The following GRIK4 variants were observed in gnomAD, a reference collection of about 807,000 sequenced individuals.
The protein encoded by GRIK4 is glutamate ionotropic receptor kainate type subunit 4, also known as glutamate receptor ionotropic, kainate 4.
A neutral mutation model predicts 104.9 loss-of-function variants in GRIK4; 40 were observed. The observed-to-expected ratio is 0.38, with a 90% CI of 0.30 to 0.50. GRIK4 has a LOEUF of 0.50. Ranked by LOEUF, GRIK4 falls within the 20% of genes least tolerant of loss-of-function variation. GRIK4 has a pLI of 0.93. For synonymous variants in GRIK4, 485 were observed against 524.9 expected, an observed-to-expected ratio of 0.92 and a Z score of 1.04; for missense variants, 1,047 against 1,308.1, an observed-to-expected ratio of 0.80 and a Z score of 3.08.
intron 3 of GRIK4, among the ~76,000 whole-genome samples, chr11:120,681,484 C>T (rs12224987): frequency 0.13 from 19,495 of 152,204 alleles, 1,366 homozygotes; most frequent in South Asian, 0.23. Context: ...TGTTTTCCCT[C>T]CCTCTCTTCA....
At chr11:120,870,868 T>A (rs1954590672) in intron 9 of GRIK4, 1 of 152,224 alleles carries the variant, frequency 6.6e-6, no homozygotes, top group African/African-American at 2.4e-5. Flanking sequence ...TGCCTCAGCC[T>A]CCCGAGTAGC....
chr11:120,612,247 A>G (rs1374590838), intron 1 of GRIK4, among the ~76,000 whole-genome samples: 1 of 152,118 alleles, frequency 6.6e-6, no homozygotes, highest in African/African-American at 2.4e-5. Flanking sequence ...AGACTTTACC[A>G]TTGGTAGAGT....
At chr11:120,916,605 T>A (rs1003097849) in intron 13 of GRIK4, among the ~76,000 whole-genome samples, 5 of 152,232 alleles carry the variant, frequency 3.3e-5, no homozygotes, top group African/African-American at 1.2e-4. Flanking sequence ...TGAAACTTGT[T>A]GAGCTTCGAT....
At chr11:120,654,699 G>T (rs559035519) in intron 2 of GRIK4, among the ~76,000 whole-genome samples, 8 of 152,168 alleles carry the variant, frequency 5.3e-5, no homozygotes, top group Non-Finnish European at 8.8e-5. Context: ...GAGCAGCAGT[G>T]CATAGCATCT....
chr11:120,642,067 G>A (rs1419153858), intron 1 of GRIK4, among the ~76,000 whole-genome samples: 2 of 152,186 alleles, frequency 1.3e-5, no homozygotes, highest in African/African-American at 4.8e-5. Context: ...TTTGTATTGG[G>A]ATTTGATGGC....
intron 1 of GRIK4, among the ~76,000 whole-genome samples, chr11:120,623,549 C>G (rs1470625248): frequency 1.3e-5 from 2 of 152,200 alleles, no homozygotes; most frequent in African/African-American, 2.4e-5. Flanking sequence ...CCAAGTCACC[C>G]TGATTTCTTT....
rs763773930 is a variant in GRIK4, at chr11:120,522,357, G to A, written c.-159+10470G>A. ...TCTTTTTTGAGATGGAGTCTCGCTC[G>A]GTTGCCCAGGCTGGAGTGCCGTGGC... On this transcript the variant is annotated intron_variant, in intron 1 of 20. Coordinates refer to ENST00000527524, the MANE Select transcript of GRIK4 (RefSeq NM_014619.5). Among the ~76,000 whole-genome samples, 62 of 151,814 alleles carry A rather than the reference G, an allele frequency of 4.1e-4. 1 individual carries two copies. Among genetic ancestry groups the A allele is most frequent in the Admixed American group, 9.2e-4 (14 of 15,234 alleles).
intron 3 of GRIK4, among the ~76,000 whole-genome samples, chr11:120,740,112 C>G (rs1282758987): frequency 6.6e-6 from 1 of 152,206 alleles, no homozygotes; most frequent in East Asian, 1.9e-4. Flanking sequence ...CAGATTTAAT[C>G]AGATGTTTGG....
At chr11:120,974,683 T>C (rs1442412351) in intron 19 of GRIK4, among the ~76,000 whole-genome samples, 2 of 152,202 alleles carry the variant, frequency 1.3e-5, no homozygotes, top group East Asian at 3.9e-4. Flanking sequence ...AGGTCTTGCT[T>C]GCCTCTGGTA....
At chr11:120,873,825 G>A in intron 9 of GRIK4, 1 of 440,670 alleles carries the variant, frequency 2.3e-6, no homozygotes, top group East Asian at 3.6e-5. Flanking sequence ...GCCAGCACAA[G>A]GCTTCAATCC....
At chr11:120,703,574 G>A (rs1244166926) in intron 3 of GRIK4, among the ~76,000 whole-genome samples, 1 of 151,868 alleles carries the variant, frequency 6.6e-6, no homozygotes, top group African/African-American at 2.4e-5. Context: ...AGGAGTAAGG[G>A]TGAGGACAGG....
At chr11:120,920,774 T>C (rs763895746) in intron 13 of GRIK4, among the ~76,000 whole-genome samples, 1 of 151,630 alleles carries the variant, frequency 6.6e-6, no homozygotes, top group East Asian at 1.9e-4. Flanking sequence ...AATTAGTATC[T>C]GAATCTTCAT....
rs1555150753 is a variant in GRIK4 at position 120,644,011 on chromosome 11, C to CTCTGTGTG, written c.-158-9673_-158-9672insCTGTGTGT. Among the ~76,000 whole-genome samples, 261 of 122,924 alleles carry CTCTGTGTG rather than the reference C, an allele frequency of 2.1e-3. 5 individuals are homozygous for CTCTGTGTG. The East Asian group carries it at 0.05, about 24-fold the overall frequency. The allele number at this position is 122,924 out of a possible 152,430, so 80.6% of individuals were successfully genotyped here. A position where few individuals can be genotyped will look rare whatever the true frequency, so the allele number is the denominator to read the frequency against. On this transcript the variant is annotated intron_variant, in intron 1 of 20. Coordinates refer to ENST00000527524, the MANE Select transcript of GRIK4 (RefSeq NM_014619.5). Reference sequence around the variant, plus strand: ...ATGACAAGTTTCCAGGGGAGAGGGTCTGTGTGTGTGTGTGTGTGTGTGTGT... The same window carrying CTCTGTGTG: ...ATGACAAGTTTCCAGGGGAGAGGGTCTCTGTGTGTGTGTGTGTGTGTGTGTGTGTGTGT...
At chr11:120,545,816 C>T (rs1178564967) in intron 1 of GRIK4, among the ~76,000 whole-genome samples, 1 of 152,216 alleles carries the variant, frequency 6.6e-6, no homozygotes, top group Non-Finnish European at 1.5e-5. Context: ...AACACCTAGA[C>T]GTTCTTTAAC....
At chr11:120,983,237 C>T (rs186027259) in intron 20 of GRIK4, among the ~76,000 whole-genome samples, 9 of 152,254 alleles carry the variant, frequency 5.9e-5, no homozygotes, top group South Asian at 4.1e-4. Context: ...CCATTGTGAA[C>T]GTGTCTGCCA....
intron 1 of GRIK4, among the ~76,000 whole-genome samples, chr11:120,609,966 C>T (rs377109371): frequency 6.6e-6 from 1 of 152,232 alleles, no homozygotes; most frequent in Non-Finnish European, 1.5e-5. Context: ...CTCCGAGCCC[C>T]AGTCCTCTCA....
chr11:120,558,325 C>T (rs570725264), intron 1 of GRIK4, among the ~76,000 whole-genome samples: 6 of 152,308 alleles, frequency 3.9e-5, no homozygotes, highest in South Asian at 2.1e-4. Flanking sequence ...CGGTGGCTCA[C>T]GCCTGTAATC....
chr11:120,703,286 T>C (rs77777921), intron 3 of GRIK4, among the ~76,000 whole-genome samples: 2,433 of 152,264 alleles, frequency 0.016, 56 homozygotes, highest in African/African-American at 0.051. Flanking sequence ...GATTTAAACC[T>C]GGGTGTTCTG....
intron 3 of GRIK4, among the ~76,000 whole-genome samples, chr11:120,722,514 A>G (rs977117003): frequency 6.6e-6 from 1 of 152,184 alleles, no homozygotes. Context: ...AGGCTGAGGC[A>G]GGAGAATCAC....
Sources: gnomAD v4.1 joint callset for allele counts (sites outside exome capture counted in the v4.1 genomes callset) on GRCh38, gnomAD v4.1.1 for gene constraint, MANE v1.5 for transcripts, NCBI Gene and HGNC (gene_info 2026-07-23, HGNC 2026-07-21) for gene names.